Variants in MPPED2 observed in about 807,000 individuals in gnomAD.
MPPED2 encodes metallophosphoesterase domain containing 2, also known as metallophosphoesterase MPPED2.
In MPPED2, 5 loss-of-function variants were observed where a neutral mutation model predicts 33.0. That is an observed-to-expected ratio of 0.15 (90% CI 0.08 to 0.32). MPPED2 has a LOEUF of 0.32. Among genes scored for constraint, MPPED2 ranks in the 10% least tolerant of loss-of-function variants. The pLI, the probability that MPPED2 is intolerant of heterozygous loss-of-function variation, is 1.00. For missense variants in MPPED2, 275 were observed against 372.1 expected (o/e 0.74, Z 2.15); for synonymous variants, 136 against 141.9 (o/e 0.96, Z 0.29).
intron 4 of MPPED2, among the ~76,000 whole-genome samples, chr11:30,463,504 G>A (rs775855071): frequency 2.0e-5 from 3 of 152,174 alleles, no homozygotes; most frequent in Non-Finnish European, 2.9e-5. Flanking sequence ...ATGAGCATAG[G>A]AGCCAAATCA....
intron 4 of MPPED2, among the ~76,000 whole-genome samples, chr11:30,432,461 C>T (rs1949123857): frequency 6.6e-6 from 1 of 151,866 alleles, no homozygotes; most frequent in Admixed American, 6.5e-5. Flanking sequence ...GCTTTCAAAA[C>T]AAAACAGCCT....
intron 2 of MPPED2, among the ~76,000 whole-genome samples, chr11:30,568,773 C>T (rs1175474976): frequency 6.6e-6 from 1 of 152,114 alleles, no homozygotes; most frequent in Non-Finnish European, 1.5e-5. Flanking sequence ...ATGGGGGGTA[C>T]CTGTCACTAA....
intron 6 of MPPED2, among the ~76,000 whole-genome samples, chr11:30,399,892 G>T (rs770908916): frequency 6.6e-6 from 1 of 152,034 alleles, no homozygotes; most frequent in Non-Finnish European, 1.5e-5. Flanking sequence ...AAAAATACCA[G>T]TCTGACAGCA....
At chr11:30,406,993 G>T (rs1259372779), downstream of MPPED2, among the ~76,000 whole-genome samples, 1 of 152,198 alleles carries the variant, frequency 6.6e-6, no homozygotes, top group Non-Finnish European at 1.5e-5. Flanking sequence ...ATCCTTGCTG[G>T]ATGAGAGTGG....
chr11:30,518,537 C>T (rs1169825428), intron 3 of MPPED2, among the ~76,000 whole-genome samples: 1 of 152,184 alleles, frequency 6.6e-6, no homozygotes, highest in East Asian at 1.9e-4. Context: ...AAAGACAGTG[C>T]TGACCTATAA....
intron 3 of MPPED2, among the ~76,000 whole-genome samples, chr11:30,510,419 A>T (rs1288771244): frequency 6.6e-6 from 1 of 152,132 alleles, no homozygotes; most frequent in Non-Finnish European, 1.5e-5. Context: ...TTTTATTTTC[A>T]TCAATAACTA....
chr11:30,407,553 C>G (rs112243427), downstream of MPPED2, among the ~76,000 whole-genome samples: 1 of 152,146 alleles, frequency 6.6e-6, no homozygotes, highest in Non-Finnish European at 1.5e-5. Context: ...CTGCTGCTTT[C>G]GAGGTTGGAG....
chr11:30,495,558 A>T (rs1360189443), intron 3 of MPPED2, 37 bp from the exon 4 acceptor site: 1 of 1,486,974 alleles, frequency 6.7e-7, no homozygotes, highest in Admixed American at 1.7e-5. Context: ...TAGCACGTTC[A>T]TTTCCCATCA....
At chr11:30,460,125 C>T (rs2070380037) in intron 4 of MPPED2, among the ~76,000 whole-genome samples, 1 of 152,232 alleles carries the variant, frequency 6.6e-6, no homozygotes, top group African/African-American at 2.4e-5. Context: ...ATGGGAGTTT[C>T]ACACCCTGCT....
At chr11:30,426,985 C>G (rs1218690633) in intron 4 of MPPED2, among the ~76,000 whole-genome samples, 1 of 152,144 alleles carries the variant, frequency 6.6e-6, no homozygotes, top group African/African-American at 2.4e-5. Flanking sequence ...GTGTCACATG[C>G]CTGGCTGGCT....
chr11:30,535,124 T>A (rs1004511021), intron 3 of MPPED2, among the ~76,000 whole-genome samples: 1 of 152,200 alleles, frequency 6.6e-6, no homozygotes, highest in Non-Finnish European at 1.5e-5. Context: ...CGTCTTATCA[T>A]TTAATCGAAA....
At chr11:30,406,606 G>A (rs1043347462), downstream of MPPED2, among the ~76,000 whole-genome samples, 3 of 152,190 alleles carry the variant, frequency 2.0e-5, no homozygotes, top group East Asian at 1.9e-4. Context: ...CTAGAAGGCC[G>A]ACACATCCTG....
At chr11:30,527,369 T>G (rs188742435) in intron 3 of MPPED2, among the ~76,000 whole-genome samples, 57 of 151,640 alleles carry the variant, frequency 3.8e-4, no homozygotes, top group South Asian at 2.1e-3. Context: ...AAGAGTTGTT[T>G]TTTTTTTTTT....
At chr11:30,497,890 G>A (rs947008838) in intron 3 of MPPED2, among the ~76,000 whole-genome samples, 1 of 152,108 alleles carries the variant, frequency 6.6e-6, no homozygotes, top group African/African-American at 2.4e-5. Context: ...CTTTTTCCGA[G>A]AATCCAGTAG....
At chr11:30,510,405 T>A (rs2134300635) in intron 3 of MPPED2, among the ~76,000 whole-genome samples, 1 of 152,330 alleles carries the variant, frequency 6.6e-6, no homozygotes, top group Middle Eastern at 3.4e-3. Flanking sequence ...ATCACAACTT[T>A]TACTTTTATT....
intron 4 of MPPED2, chr11:30,495,026 G>A: frequency 2.4e-6 from 1 of 421,244 alleles, no homozygotes; most frequent in Non-Finnish European, 4.2e-6. Flanking sequence ...GGAGGTCCTG[G>A]ACCAATACCC....
intron 4 of MPPED2, among the ~76,000 whole-genome samples, chr11:30,493,264 G>A (rs895419384): frequency 6.6e-6 from 1 of 151,724 alleles, no homozygotes; most frequent in Non-Finnish European, 1.5e-5. Context: ...CCAGCTACTC[G>A]GGAGGCTGAG....
At chr11:30,566,626 T>C (rs1956454351) in intron 2 of MPPED2, among the ~76,000 whole-genome samples, 1 of 152,210 alleles carries the variant, frequency 6.6e-6, no homozygotes, top group Non-Finnish European at 1.5e-5. Context: ...TGTTAATTCC[T>C]CGAATCCTTG....
Position 30,459,391 on chromosome 11 carries a change from A to G in MPPED2, c.536+35905T>C, listed in dbSNP as rs562820822. Reference sequence around the variant, plus strand: ...ACAGAATATCTGGTTTGAAATACACAACATCACTATGACAACTCTAATTTT... The same window carrying G: ...ACAGAATATCTGGTTTGAAATACACGACATCACTATGACAACTCTAATTTT... On this transcript the variant is annotated intron_variant, in intron 4 of 6. Coordinates refer to ENST00000358117, the MANE Select transcript of MPPED2 (RefSeq NM_001584.3). 4.6e-5 allele frequency among the ~76,000 whole-genome samples: 7 copies of G among 152,330 alleles called. No homozygotes were observed. In the South Asian group the frequency reaches 6.2e-4, roughly 14 times the overall value.
Sources: gnomAD v4.1 joint callset for allele counts (sites outside exome capture counted in the v4.1 genomes callset) on GRCh38, gnomAD v4.1.1 for gene constraint, MANE v1.5 for transcripts, NCBI Gene and HGNC (gene_info 2026-07-23, HGNC 2026-07-21) for gene names.